The following PTPRT variants were observed in gnomAD, a reference collection of about 807,000 sequenced individuals.
The protein encoded by PTPRT is protein tyrosine phosphatase receptor type T.
In PTPRT, 56 loss-of-function variants were observed where a neutral mutation model predicts 176.8. That is an observed-to-expected ratio of 0.32 (90% CI 0.26 to 0.40). The LOEUF is 0.40. Ranked by LOEUF, PTPRT falls within the 10% of genes least tolerant of loss-of-function variation. PTPRT has a pLI of 1.00. For synonymous variants in PTPRT, 783 were observed against 739.0 expected, an observed-to-expected ratio of 1.06 and a Z score of -0.96; for missense variants, 1,540 against 1,908.2, an observed-to-expected ratio of 0.81 and a Z score of 3.60.
chr20:43,017,258 C>T (rs73281239), intron 1 of PTPRT, among the ~76,000 whole-genome samples: 37,271 of 152,072 alleles, frequency 0.25, 4,920 homozygotes, highest in African/African-American at 0.33. Flanking sequence ...TAAAATATTA[C>T]TGATCTCGAT....
chr20:42,729,919 A>T (rs575537761), intron 6 of PTPRT, among the ~76,000 whole-genome samples: 149 of 152,314 alleles, frequency 9.8e-4, no homozygotes, highest in African/African-American at 3.3e-3. Flanking sequence ...AATTGACCAC[A>T]GCTTCCAATG....
At chr20:43,056,767 T>C (rs912411024) in intron 1 of PTPRT, among the ~76,000 whole-genome samples, 1 of 152,078 alleles carries the variant, frequency 6.6e-6, no homozygotes, top group African/African-American at 2.4e-5. Context: ...AATCAAATAA[T>C]AAAAATGATA....
chr20:42,579,553 C>T (rs531971760), intron 7 of PTPRT, among the ~76,000 whole-genome samples: 2 of 152,312 alleles, frequency 1.3e-5, no homozygotes, highest in Admixed American at 6.5e-5. Context: ...TATTTCTCCA[C>T]ATCCTCTCCA....
At chr20:42,724,840 T>A (rs575900966) in intron 6 of PTPRT, among the ~76,000 whole-genome samples, 19 of 152,244 alleles carry the variant, frequency 1.2e-4, no homozygotes, top group African/African-American at 4.3e-4. Flanking sequence ...CCTTTGACTC[T>A]GACCATCCCT....
chr20:42,205,173 A>T (rs961603224), intron 15 of PTPRT, among the ~76,000 whole-genome samples: 1 of 151,984 alleles, frequency 6.6e-6, no homozygotes, highest in African/African-American at 2.4e-5. Context: ...AGGAATTTCT[A>T]GCAAAGTAGA....
At chr20:42,538,960 T>C (rs1568960730) in intron 7 of PTPRT, among the ~76,000 whole-genome samples, 2 of 152,204 alleles carry the variant, frequency 1.3e-5, no homozygotes, top group South Asian at 2.1e-4. Flanking sequence ...CACCAATCCA[T>C]GCAACTATCA....
At chr20:43,185,713 C>T (rs2015373479) in intron 1 of PTPRT, among the ~76,000 whole-genome samples, 1 of 152,118 alleles carries the variant, frequency 6.6e-6, no homozygotes, top group Admixed American at 6.5e-5. Context: ...GTAGGCACAT[C>T]ACCTGAGGTC....
intron 7 of PTPRT, among the ~76,000 whole-genome samples, chr20:42,573,745 C>CTTTT (rs201228742): frequency 0.013 from 1,502 of 115,238 alleles, 136 homozygotes; most frequent in African/African-American, 0.046. Context: ...CCCTTTCTTT[C>CTTTT]TTTCTTTTTT....
Position 42,322,004 on chromosome 20 carries a change from C to G in PTPRT, c.1866-6008G>C, listed in dbSNP as rs6093619. On this transcript the variant is annotated intron_variant, in intron 11 of 30. Transcript: ENST00000373187. ...AGGAGAATGCCGTGAACCCGGAAGG[C>G]AGAGCTGCAGTTAGCCGAGATCACG... Among the ~76,000 whole-genome samples, 9 of 152,232 alleles carry G rather than the reference C, an allele frequency of 5.9e-5. No individual in the cohort carries two copies. In the South Asian group the frequency reaches 1.9e-3, roughly 32 times the overall value.
At chr20:42,981,943 C>T (rs746711940) in intron 1 of PTPRT, among the ~76,000 whole-genome samples, 51 of 152,228 alleles carry the variant, frequency 3.4e-4, no homozygotes, top group Admixed American at 6.5e-4. Flanking sequence ...CTTTATGGGG[C>T]GCTCTTTTCA....
chr20:42,877,211 C>G (rs928720567), intron 2 of PTPRT, among the ~76,000 whole-genome samples: 1 of 152,098 alleles, frequency 6.6e-6, no homozygotes, highest in Admixed American at 6.5e-5. Flanking sequence ...CTTTGTAGCA[C>G]AAACACCATG....
chr20:43,009,574 A>G (rs975343186), intron 1 of PTPRT, among the ~76,000 whole-genome samples: 1 of 152,194 alleles, frequency 6.6e-6, no homozygotes, highest in African/African-American at 2.4e-5. Context: ...GAATGGTGTA[A>G]GATGAACTTC....
rs755654862 is a variant in PTPRT, at chr20:42,370,733, T to C, written c.1561-18448A>G. ...GGATAAACACAATCTATCCTTACTG[T>C]TAAGACATTAAAGTTCTTCAATAGT... On this transcript the variant is annotated intron_variant, in intron 9 of 30. Transcript: ENST00000373187. Among the ~76,000 whole-genome samples, 10 of 152,212 alleles carry C rather than the reference T, an allele frequency of 6.6e-5. 1 individual carries two copies. Among genetic ancestry groups the C allele is most frequent in the Non-Finnish European group, 1.2e-4 (8 of 68,032 alleles).
chr20:42,627,004 C>T (rs1436319488), intron 7 of PTPRT, among the ~76,000 whole-genome samples: 1 of 125,094 alleles, frequency 8.0e-6, no homozygotes, highest in East Asian at 2.0e-4. Flanking sequence ...CCTCTCTGAT[C>T]TCCTGTAAAG....
intron 5 of PTPRT, among the ~76,000 whole-genome samples, chr20:42,756,932 T>C (rs953544768): frequency 1.3e-5 from 2 of 151,736 alleles, no homozygotes; most frequent in African/African-American, 4.8e-5. Context: ...TCATCTTCAG[T>C]CCCAGATACT....
rs11475084 is a variant in PTPRT at position 42,911,976 on chromosome 20, C to CTTT, written c.89-26047_89-26045dup. On this transcript the variant is annotated intron_variant, in intron 1 of 30. Transcript: ENST00000373187. The stretch of plus-strand genomic sequence containing the variant: ...AATTTACTAACCCAAATCCTCTTTT[C>CTTT]TTTTTTTTTTTTTTTTTTGCTTTCA... 2.7e-4 allele frequency among the ~76,000 whole-genome samples: 33 copies of CTTT among 124,310 alleles called. No homozygotes were observed. The South Asian group carries it at 6.8e-3, about 26-fold the overall frequency. The allele number at this position is 124,310 out of a possible 152,430, so 81.6% of individuals were successfully genotyped here.
At chr20:43,178,710 C>T (rs765714452) in intron 1 of PTPRT, among the ~76,000 whole-genome samples, 1 of 152,174 alleles carries the variant, frequency 6.6e-6, no homozygotes, top group Non-Finnish European at 1.5e-5. Context: ...GGCAGCAGCC[C>T]TGACCTAGAC....
chr20:42,702,721 A>G lies in PTPRT; in HGVS notation c.860-24562T>C, dbSNP rs2206432. Among the ~76,000 whole-genome samples the G allele has an allele frequency of 4.1e-3, 618 of 152,252 alleles. 4 individuals are homozygous for G. Among genetic ancestry groups the G allele is most frequent in the African/African-American group, 0.014 (597 of 41,538 alleles). Reference sequence around the variant, plus strand: ...CACTGTTCTATCACCATTAACCTACAGTGGGAAACAGAGGCCAAGAGGTAG... The same window carrying G: ...CACTGTTCTATCACCATTAACCTACGGTGGGAAACAGAGGCCAAGAGGTAG... On this transcript the variant is annotated intron_variant, in intron 6 of 30. Coordinates refer to ENST00000373187, the MANE Select transcript of PTPRT (RefSeq NM_007050.6).
At chr20:43,112,646 G>C (rs2425611) in intron 1 of PTPRT, among the ~76,000 whole-genome samples, 2,445 of 152,300 alleles carry the variant, frequency 0.016, 59 homozygotes, top group African/African-American at 0.055. Context: ...GTGCAAGGAA[G>C]TTCCTCTGGT....
Sources: gnomAD v4.1 joint callset for allele counts (sites outside exome capture counted in the v4.1 genomes callset) on GRCh38, gnomAD v4.1.1 for gene constraint, MANE v1.5 for transcripts, NCBI Gene and HGNC (gene_info 2026-07-23, HGNC 2026-07-21) for gene names.